Variants in MYO1B observed in about 807,000 individuals in gnomAD.
MYO1B encodes unconventional myosin-Ib.
MYO1B carries 72 observed loss-of-function variants against 159.7 expected under a neutral mutation model. The ratio of observed to expected loss-of-function variants is 0.45; its 90% CI spans 0.37 to 0.55. The LOEUF (loss-of-function observed/expected upper bound fraction) is 0.55. MYO1B is among the 20% of genes least tolerant of loss of function. The pLI, the probability that MYO1B is intolerant of heterozygous loss-of-function variation, is 0.00. For synonymous variants in MYO1B, 468 were observed against 473.8 expected (o/e 0.99, Z 0.16); for missense variants, 1,062 against 1,364.8 (o/e 0.78, Z 3.50).
chr2:191,287,728 T>C lies in MYO1B; in HGVS notation c.136-8383T>C, dbSNP rs77724202. ...CTTAAATACTATACTTAGGTCAGAA[T>C]GATGTGGGTTCAAATCCCATCAGTT... On this transcript the variant is annotated intron_variant, in intron 2 of 30. Coordinates refer to ENST00000392318, the MANE Select transcript of MYO1B (RefSeq NM_001130158.3). 1.2e-4 allele frequency among the ~76,000 whole-genome samples: 19 copies of C among 152,340 alleles called. No individual in the cohort carries two copies. The East Asian group carries it at 3.7e-3, about 29-fold the overall frequency.
At chr2:191,255,012 C>T (rs941434682) in intron 1 of MYO1B, among the ~76,000 whole-genome samples, 2 of 152,052 alleles carry the variant, frequency 1.3e-5, no homozygotes, top group African/African-American at 4.8e-5. Context: ...ACTGCAGGAT[C>T]GAACTCCTGG....
intron 1 of MYO1B, among the ~76,000 whole-genome samples, chr2:191,263,919 G>T (rs554734276): frequency 6.6e-6 from 1 of 152,098 alleles, no homozygotes; most frequent in African/African-American, 2.4e-5. Flanking sequence ...CATTTTATTT[G>T]TGACTTAAAA....
chr2:191,417,826 A>G (rs997288116), intron 30 of MYO1B, among the ~76,000 whole-genome samples: 4 of 152,228 alleles, frequency 2.6e-5, no homozygotes, highest in African/African-American at 4.8e-5. Flanking sequence ...TTGCGGGGAT[A>G]GCGTGTGGCG....
At chr2:191,361,575 A>G (rs1212082568) in intron 8 of MYO1B, among the ~76,000 whole-genome samples, 1 of 150,638 alleles carries the variant, frequency 6.6e-6, no homozygotes, top group Non-Finnish European at 1.5e-5. Context: ...AGTATCTACT[A>G]TATTATTATA....
chr2:191,271,791 A>G (rs929852577), intron 1 of MYO1B, among the ~76,000 whole-genome samples: 1 of 152,164 alleles, frequency 6.6e-6, no homozygotes, highest in South Asian at 2.1e-4. Flanking sequence ...TTGTAGTACC[A>G]TTTTGATATT....
chr2:191,264,663 A>G (rs1687019735), intron 1 of MYO1B, among the ~76,000 whole-genome samples: 1 of 151,936 alleles, frequency 6.6e-6, no homozygotes, highest in Non-Finnish European at 1.5e-5. Context: ...AATATATTTT[A>G]TTTTGGTTAT....
chr2:191,358,890 G>T (rs778163834), intron 7 of MYO1B, among the ~76,000 whole-genome samples: 7 of 152,262 alleles, frequency 4.6e-5, no homozygotes, highest in Non-Finnish European at 1.0e-4. Context: ...TGTCCAGCTG[G>T]TGCTAAACTT....
At chr2:191,348,858 T>G (rs906775715) in intron 6 of MYO1B, among the ~76,000 whole-genome samples, 3 of 152,306 alleles carry the variant, frequency 2.0e-5, no homozygotes, top group African/African-American at 7.2e-5. Context: ...ATGGCTTTGG[T>G]GTGACGAGAA....
intron 3 of MYO1B, among the ~76,000 whole-genome samples, chr2:191,325,634 T>G (rs544227479): frequency 6.6e-6 from 1 of 152,234 alleles, no homozygotes; most frequent in South Asian, 2.1e-4. Context: ...TCTTTTCTGC[T>G]TTGCACTTGA....
chr2:191,262,327 A>G (rs1404801222), intron 1 of MYO1B, among the ~76,000 whole-genome samples: 1 of 152,138 alleles, frequency 6.6e-6, no homozygotes, highest in Non-Finnish European at 1.5e-5. Context: ...TTTATGCAGT[A>G]CACAAACTGA....
At chr2:191,408,066 C>A in intron 24 of MYO1B, 49 bp from the exon 25 acceptor site, 2 of 1,278,198 alleles carry the variant, frequency 1.6e-6, no homozygotes, top group Non-Finnish European at 2.3e-6. Context: ...CATTATGGAC[C>A]TGTACCAGCC....
At chr2:191,274,733 C>G (rs1036186753) in intron 1 of MYO1B, among the ~76,000 whole-genome samples, 1 of 152,136 alleles carries the variant, frequency 6.6e-6, no homozygotes, top group Non-Finnish European at 1.5e-5. Context: ...CTTCTGTGGA[C>G]TCTGGCTCTG....
At chr2:191,252,222 T>G (rs1686165169) in intron 1 of MYO1B, among the ~76,000 whole-genome samples, 1 of 152,242 alleles carries the variant, frequency 6.6e-6, no homozygotes, top group East Asian at 1.9e-4. Context: ...ACCCCTGATA[T>G]AGTGAGCCAT....
intron 27 of MYO1B, among the ~76,000 whole-genome samples, chr2:191,413,195 G>A (rs1247493599): frequency 6.6e-6 from 1 of 152,190 alleles, no homozygotes; most frequent in Non-Finnish European, 1.5e-5. Flanking sequence ...TATGTCATAT[G>A]AAGTTGAAAA....
intron 18 of MYO1B, 150 bp from the exon 19 acceptor site, chr2:191,391,958 A>C (rs1466743037): frequency 5.6e-6 from 3 of 536,996 alleles, no homozygotes; most frequent in Non-Finnish European, 9.7e-6. Context: ...ATTTGTGGAA[A>C]ATTCTTTGAT....
At chr2:191,396,559 T>C in intron 21 of MYO1B, 62 bp downstream of exon 21, 2 of 1,533,730 alleles carry the variant, frequency 1.3e-6, no homozygotes, top group Non-Finnish European at 1.8e-6. Context: ...CAAAGGATAA[T>C]GTCTTTAGGG....
At position 191,276,995 on chromosome 2, in the gene MYO1B, A is replaced by G; in HGVS notation, c.100A>G (p.Asn34Asp). 2.5e-6 allele frequency: 4 copies of G among 1,614,092 alleles called. No individual in the cohort carries two copies. The South Asian group carries it at 4.4e-5, about 18-fold the overall frequency. The change falls in exon 2 of 31, where the codon AAC becomes GAC. Residue 34 changes from asparagine (N) to aspartate (D), a missense_variant. Physicochemically the swap from Asn to Asp is conservative, Grantham distance 23 (BLOSUM62 1). This residue lies in a region of MYO1B where 415 missense variants were observed against 544.0 expected (regional missense o/e 0.76). Coordinates refer to ENST00000392318, the MANE Select transcript of MYO1B (RefSeq NM_001130158.3). ...EPLNEETFIN[N>D]LKKRFDHSEI... ...TCTCAATGAGGAGACCTTCATCAAC[A>G]ACCTCAAGAAGCGCTTTGACCACAG...
At position 191,345,303 on chromosome 2, in the gene MYO1B, G is replaced by A. The variant is rs1007419719; in HGVS notation, c.452-933G>A. On this transcript the variant is annotated intron_variant, in intron 5 of 30. Transcript: ENST00000392318. The stretch of plus-strand genomic sequence containing the variant: ...GTTTGAAATGGTAAAGATGGGCGGG[G>A]TGGGGCTTCCAGAGTGTCAAACAGG... Among the ~76,000 whole-genome samples, 3 of 152,280 alleles carry A rather than the reference G, an allele frequency of 2.0e-5. No individual in the cohort carries two copies. In the South Asian group the frequency reaches 6.2e-4, roughly 32 times the overall value.
chr2:191,282,494 T>C (rs1258997489), intron 2 of MYO1B, among the ~76,000 whole-genome samples: 1 of 152,226 alleles, frequency 6.6e-6, no homozygotes, highest in African/African-American at 2.4e-5. Flanking sequence ...TAAAGGTTTT[T>C]TAAATTACAA....
Sources: allele counts gnomAD v4.1 joint callset (sites outside exome capture counted in the v4.1 genomes callset), GRCh38; gene constraint gnomAD v4.1.1; regional missense constraint gnomAD v4.1.1; transcripts MANE v1.5; gene names NCBI Gene and HGNC (gene_info 2026-07-23, HGNC 2026-07-21).